The following OXR1 variants were observed in gnomAD, a reference collection of about 807,000 sequenced individuals.
OXR1 encodes oxidation resistance protein 1.
A neutral mutation model predicts 104.6 loss-of-function variants in OXR1; 41 were observed. The ratio of observed to expected loss-of-function variants is 0.39; its 90% CI spans 0.31 to 0.51. The LOEUF is 0.51. Ranked by LOEUF, OXR1 falls within the 20% of genes least tolerant of loss-of-function variation. OXR1 has a pLI of 0.77. For missense variants in OXR1, 955 were observed against 1,031.9 expected, an observed-to-expected ratio of 0.93 and a Z score of 1.02; for synonymous variants, 348 against 348.4, an observed-to-expected ratio of 1.00 and a Z score of 0.01.
chr8:106,294,578 A>G (rs1425754172), intron 1 of OXR1, among the ~76,000 whole-genome samples: 1 of 152,024 alleles, frequency 6.6e-6, no homozygotes, highest in Non-Finnish European at 1.5e-5. Context: ...GAGTAAGCAC[A>G]TCACATGGCA....
chr8:106,485,719 A>G (rs886645938), intron 2 of OXR1, among the ~76,000 whole-genome samples: 5 of 152,106 alleles, frequency 3.3e-5, no homozygotes, highest in Admixed American at 6.6e-5. Context: ...TGATCTATCA[A>G]TGGATGAATG....
At chr8:106,282,910 C>T (rs1281204630) in intron 1 of OXR1, among the ~76,000 whole-genome samples, 1 of 152,144 alleles carries the variant, frequency 6.6e-6, no homozygotes, top group East Asian at 1.9e-4. Context: ...TTTCTCATTG[C>T]ATTTAGTTTC....
chr8:106,632,300 T>A (rs926506849), intron 3 of OXR1, among the ~76,000 whole-genome samples: 2 of 152,190 alleles, frequency 1.3e-5, no homozygotes, highest in Admixed American at 1.3e-4. Flanking sequence ...ATAAAACATG[T>A]TCTGTGTCTT....
At chr8:106,622,762 CT>C (rs962056085) in intron 3 of OXR1, among the ~76,000 whole-genome samples, 4 of 152,144 alleles carry the variant, frequency 2.6e-5, no homozygotes, top group Non-Finnish European at 4.4e-5. Flanking sequence ...CTCTTCTCTG[CT>C]TTTTTTCTTT....
chr8:106,318,229 G>C (rs1814058963), intron 1 of OXR1, among the ~76,000 whole-genome samples: 1 of 152,204 alleles, frequency 6.6e-6, no homozygotes, highest in South Asian at 2.1e-4. Flanking sequence ...CCAAAAGTTA[G>C]TGGTTACGAT....
chr8:106,436,386 A>G (rs1013518616), intron 2 of OXR1, among the ~76,000 whole-genome samples: 1 of 152,124 alleles, frequency 6.6e-6, no homozygotes, highest in African/African-American at 2.4e-5. Context: ...AACAGCCCAA[A>G]GTTGTAATCA....
intron 2 of OXR1, among the ~76,000 whole-genome samples, chr8:106,487,683 T>C (rs895949280): frequency 1.3e-5 from 2 of 150,644 alleles, no homozygotes; most frequent in Admixed American, 1.3e-4. Context: ...TTTGGTTTTT[T>C]GTTCTTGCGA....
intron 2 of OXR1, among the ~76,000 whole-genome samples, chr8:106,452,511 A>C (rs1055743979): frequency 6.6e-6 from 1 of 152,196 alleles, no homozygotes; most frequent in Non-Finnish European, 1.5e-5. Context: ...ATCACCACCA[A>C]CAACATTCTG....
chr8:106,649,080 C>G (rs1824323284), intron 3 of OXR1, among the ~76,000 whole-genome samples: 1 of 152,086 alleles, frequency 6.6e-6, no homozygotes, highest in African/African-American at 2.4e-5. Flanking sequence ...TAGCATGTGC[C>G]TATGGTCCCA....
At chr8:106,676,581 G>A (rs964625962) in intron 3 of OXR1, among the ~76,000 whole-genome samples, 22 of 152,032 alleles carry the variant, frequency 1.4e-4, no homozygotes, top group Admixed American at 5.9e-4. Context: ...TGAAATTCTG[G>A]GTTGGAATTT....
intron 1 of OXR1, among the ~76,000 whole-genome samples, chr8:106,312,665 T>C (rs554361501): frequency 1.2e-4 from 18 of 152,338 alleles, no homozygotes; most frequent in Admixed American, 7.2e-4. Flanking sequence ...GTTGCACCTA[T>C]ATGAATTAAG....
chr8:106,644,812 T>C (rs910758392), intron 3 of OXR1, among the ~76,000 whole-genome samples: 2 of 152,180 alleles, frequency 1.3e-5, no homozygotes, highest in African/African-American at 2.4e-5. Context: ...AGAACTAAAG[T>C]AGCAGGCCGC....
At chr8:106,620,922 A>G (rs908215299) in intron 3 of OXR1, among the ~76,000 whole-genome samples, 12 of 152,344 alleles carry the variant, frequency 7.9e-5, no homozygotes, top group East Asian at 1.9e-4. Flanking sequence ...TAAATGAAAC[A>G]TTATTAGAAA....
At chr8:106,359,334 A>G (rs1030477603) in intron 1 of OXR1, 142 bp from the exon 2 acceptor site, 5 of 337,364 alleles carry the variant, frequency 1.5e-5, no homozygotes, top group East Asian at 1.5e-4. Flanking sequence ...GGTTTATTAC[A>G]TGTCTTATAT....
intron 2 of OXR1, among the ~76,000 whole-genome samples, chr8:106,399,507 G>T (rs906743233): frequency 2.0e-5 from 3 of 152,170 alleles, no homozygotes; most frequent in African/African-American, 7.2e-5. Flanking sequence ...GGGTGCTACA[G>T]TGATGGATGT....
chr8:106,419,241 T>C (rs567442405), intron 2 of OXR1, among the ~76,000 whole-genome samples: 4 of 152,296 alleles, frequency 2.6e-5, no homozygotes, highest in African/African-American at 9.6e-5. Context: ...TCCTCAGAAC[T>C]CACGGTGACT....
chr8:106,371,647 A>T (rs955176319), intron 2 of OXR1, among the ~76,000 whole-genome samples: 1 of 152,198 alleles, frequency 6.6e-6, no homozygotes, highest in South Asian at 2.1e-4. Flanking sequence ...TAATTTCATT[A>T]TGTACCCAGG....
At chr8:106,599,802 A>C (rs1316253878) in intron 3 of OXR1, among the ~76,000 whole-genome samples, 1 of 152,130 alleles carries the variant, frequency 6.6e-6, no homozygotes, top group Non-Finnish European at 1.5e-5. Flanking sequence ...GGTATCAGGG[A>C]CCAGAGAGAC....
intron 12 of OXR1, 83 bp from the exon 13 acceptor site, chr8:106,739,375 G>A: frequency 8.0e-7 from 1 of 1,255,060 alleles, no homozygotes; most frequent in Non-Finnish European, 1.1e-6. Flanking sequence ...ACGATATAAA[G>A]CTTTATTTAT....
Sources: allele counts gnomAD v4.1 joint callset (sites outside exome capture counted in the v4.1 genomes callset), GRCh38; gene constraint gnomAD v4.1.1; transcripts MANE v1.5; gene names NCBI Gene and HGNC (gene_info 2026-07-23, HGNC 2026-07-21).